SH2D4B: variants seen among roughly 807,000 people sequenced by gnomAD.
SH2D4B encodes the protein SH2 domain containing 4B.
Under a neutral mutation model 61.5 loss-of-function variants are expected in SH2D4B, and 45 were observed. The observed-to-expected ratio is 0.73, with a 90% CI of 0.58 to 0.94. The LOEUF is 0.94. Among genes scored for constraint, SH2D4B ranks in the 40% least tolerant of loss-of-function variants. The probability of loss-of-function intolerance (pLI) is 0.00; values close to 1 mark genes in which losing one functional copy is unlikely to be tolerated. For synonymous variants in SH2D4B, 224 were observed against 220.4 expected (o/e 1.02, Z -0.14); for missense variants, 572 against 574.2 (o/e 1.00, Z 0.04).
intron 1 of SH2D4B, among the ~76,000 whole-genome samples, chr10:80,550,980 G>A (rs775019964): frequency 4.6e-5 from 7 of 152,212 alleles, no homozygotes; most frequent in Non-Finnish European, 1.0e-4. Flanking sequence ...TCTGTTGGGG[G>A]AGAGTGAAGC....
chr10:80,546,817 G>A (rs1364623191), intron 1 of SH2D4B, among the ~76,000 whole-genome samples: 2 of 152,106 alleles, frequency 1.3e-5, no homozygotes, highest in Non-Finnish European at 2.9e-5. Flanking sequence ...GTGAGCCACC[G>A]CGCCCAGCCA....
At chr10:80,632,859 AG>A (rs1252435936) in intron 6 of SH2D4B, among the ~76,000 whole-genome samples, 1 of 150,802 alleles carries the variant, frequency 6.6e-6, no homozygotes, top group Non-Finnish European at 1.5e-5. Flanking sequence ...CTGTGGCGAA[AG>A]GGCTCCTCAC....
chr10:80,605,328 TA>T (rs1316476866), intron 5 of SH2D4B, among the ~76,000 whole-genome samples: 1 of 152,098 alleles, frequency 6.6e-6, no homozygotes, highest in East Asian at 1.9e-4. Flanking sequence ...CAATGTGCTG[TA>T]AATGATCTTT....
At chr10:80,572,986 A>ATTTTTTTT (rs61401607) in intron 3 of SH2D4B, among the ~76,000 whole-genome samples, 4 of 8,880 alleles carry the variant, frequency 4.5e-4, no homozygotes, top group Non-Finnish European at 8.1e-4. Context: ...ATATATATAT[A>ATTTTTTTT]TTTTTTTTTT....
chr10:80,596,026 T>C (rs1271835460), intron 4 of SH2D4B, among the ~76,000 whole-genome samples: 2 of 152,242 alleles, frequency 1.3e-5, no homozygotes, highest in African/African-American at 4.8e-5. Flanking sequence ...GGACCATGCC[T>C]CCTTTTCTCT....
intron 4 of SH2D4B, among the ~76,000 whole-genome samples, chr10:80,592,863 G>A (rs1842346734): frequency 6.7e-6 from 1 of 150,168 alleles, no homozygotes; most frequent in Non-Finnish European, 1.5e-5. Flanking sequence ...CCACAGGCAT[G>A]CACCACCATG....
rs116433112 is a variant in SH2D4B at position 80,635,241 on chromosome 10, T to G, written c.1209+736T>G. On this transcript the variant is annotated intron_variant, in intron 7 of 7. Transcript: ENST00000646907. ...GATGTTGTCTTCCAAGCAGTGTATG[T>G]AGTAAGAAGCAACGTTTATGTTCGT... 5.1e-3 allele frequency among the ~76,000 whole-genome samples: 778 copies of G among 152,304 alleles called. 6 individuals are homozygous for G. Among genetic ancestry groups the G allele is most frequent in the African/African-American group, 0.018 (753 of 41,552 alleles).
At chr10:80,580,113 A>G (rs1235903804) in intron 3 of SH2D4B, among the ~76,000 whole-genome samples, 1 of 152,252 alleles carries the variant, frequency 6.6e-6, no homozygotes, top group Admixed American at 6.5e-5. Context: ...CAGACTAACA[A>G]CAAAAATGAG....
chr10:80,643,445 T>A (rs1187948184), intron 7 of SH2D4B, among the ~76,000 whole-genome samples: 2 of 152,166 alleles, frequency 1.3e-5, no homozygotes, highest in Admixed American at 6.5e-5. Flanking sequence ...CTATAAATTT[T>A]AGGCTATGAA....
intron 4 of SH2D4B, 30 bp downstream of exon 4, chr10:80,588,807 G>T: frequency 6.2e-7 from 1 of 1,611,818 alleles, no homozygotes; most frequent in Non-Finnish European, 8.5e-7. Flanking sequence ...CAGGCAGGGA[G>T]ACCAGTCCCG....
At chr10:80,565,353 C>CTA (rs1447217898) in intron 1 of SH2D4B, among the ~76,000 whole-genome samples, 2 of 142,538 alleles carry the variant, frequency 1.4e-5, no homozygotes, top group Admixed American at 1.4e-4. Context: ...AACCATCATT[C>CTA]TACCCTCTAT....
At position 80,538,557 on chromosome 10, in the gene SH2D4B, C is replaced by A; in HGVS notation, c.184+42C>A. On this transcript the variant is annotated intron_variant, in intron 1 of 7. Transcript: ENST00000646907. The surrounding 1 kb of genome is among the most constrained non-coding windows in gnomAD (Gnocchi z 4.8). The stretch of plus-strand genomic sequence containing the variant: ...CACAGAGAGGTAGGCCACCAGTCCC[C>A]CAGGAGGTAGAAAAATTAGCAGGGC... 1.5e-6 allele frequency: 2 copies of A among 1,316,242 alleles called. No individual in the cohort carries two copies. The highest frequency in any genetic ancestry group is 2.0e-6 in the Non-Finnish European group (2 of 1,023,376). 81.5% of individuals were successfully genotyped at this position (1,316,242 alleles called of 1,614,324 possible).
chr10:80,553,329 C>T (rs977727842), intron 1 of SH2D4B, among the ~76,000 whole-genome samples: 1 of 152,218 alleles, frequency 6.6e-6, no homozygotes, highest in Non-Finnish European at 1.5e-5. Flanking sequence ...GATGTCCTGT[C>T]CCTTGTCCCC....
chr10:80,607,229 C>T (rs947691430), intron 5 of SH2D4B: 1 of 152,166 alleles, frequency 6.6e-6, no homozygotes, highest in African/African-American at 2.4e-5. Flanking sequence ...CTATTGCCTT[C>T]TAAGGAAAGC....
At chr10:80,598,811 G>A (rs1285441029) in intron 4 of SH2D4B, among the ~76,000 whole-genome samples, 1 of 151,722 alleles carries the variant, frequency 6.6e-6, no homozygotes, top group Non-Finnish European at 1.5e-5. Flanking sequence ...GTAGGAGTGT[G>A]GAGTTAGATA....
chr10:80,622,786 C>A (rs1842729351), intron 6 of SH2D4B, among the ~76,000 whole-genome samples: 1 of 152,194 alleles, frequency 6.6e-6, no homozygotes, highest in Non-Finnish European at 1.5e-5. Flanking sequence ...TCTTCTTTCT[C>A]CTGTATAGAC....
chr10:80,618,335 A>C (rs1472088736), intron 6 of SH2D4B, among the ~76,000 whole-genome samples: 2 of 152,224 alleles, frequency 1.3e-5, no homozygotes, highest in African/African-American at 4.8e-5. Context: ...GAACAGCAGC[A>C]TTGGTGATTA....
At chr10:80,573,151 A>T (rs1206602311) in intron 3 of SH2D4B, among the ~76,000 whole-genome samples, 1 of 140,904 alleles carries the variant, frequency 7.1e-6, no homozygotes, top group African/African-American at 2.6e-5. Context: ...CGCCCGGCTA[A>T]TTTTTTTTTT....
chr10:80,565,062 A>C (rs187645219), intron 1 of SH2D4B, among the ~76,000 whole-genome samples: 1 of 152,204 alleles, frequency 6.6e-6, no homozygotes, highest in Non-Finnish European at 1.5e-5. Flanking sequence ...ATTTGAGCAC[A>C]GTTTGAACAC....
Sources: allele counts gnomAD v4.1 joint callset (sites outside exome capture counted in the v4.1 genomes callset), GRCh38; gene constraint gnomAD v4.1.1; non-coding constraint Gnocchi (gnomAD v3.1); transcripts MANE v1.5; gene names NCBI Gene and HGNC (gene_info 2026-07-23, HGNC 2026-07-21).